The following STAG1 variants were observed in gnomAD, a reference collection of about 807,000 sequenced individuals.
The protein encoded by STAG1 is STAG1 cohesin complex component.
Under a neutral mutation model 170.9 loss-of-function variants are expected in STAG1, and 26 were observed. The observed-to-expected ratio is 0.15, with a 90% CI of 0.11 to 0.21. The LOEUF is 0.21. Ranked by LOEUF, STAG1 falls within the 10% of genes least tolerant of loss-of-function variation. STAG1 has a pLI of 1.00. For missense variants in STAG1, 964 were observed against 1,509.5 expected (o/e 0.64, Z 5.99); for synonymous variants, 514 against 497.7 (o/e 1.03, Z -0.44).
At chr3:136,446,579 T>C (rs1053330073) in intron 14 of STAG1, among the ~76,000 whole-genome samples, 5 of 151,806 alleles carry the variant, frequency 3.3e-5, no homozygotes, top group African/African-American at 9.7e-5. Context: ...CCTGCCACCA[T>C]GCCTGACTAA....
intron 1 of STAG1, among the ~76,000 whole-genome samples, chr3:136,657,189 C>CTTTTT (rs67826395): frequency 3.2e-3 from 298 of 92,260 alleles, no homozygotes; most frequent in Middle Eastern, 7.9e-3. Flanking sequence ...TTCTTTCTTT[C>CTTTTT]TTTTTTTTTT....
At chr3:136,591,555 T>TG in intron 4 of STAG1, 1 of 425,572 alleles carries the variant, frequency 2.3e-6, no homozygotes, top group Non-Finnish European at 4.6e-6. Flanking sequence ...CATCTCTATT[T>TG]GAAAAAAAAA....
intron 1 of STAG1, among the ~76,000 whole-genome samples, chr3:136,691,996 C>A (rs1408656876): frequency 6.6e-6 from 1 of 152,096 alleles, no homozygotes; most frequent in Non-Finnish European, 1.5e-5. Flanking sequence ...GTTTGAACAA[C>A]AAGGATAATG....
At chr3:136,720,348 T>C (rs192959289) in intron 1 of STAG1, among the ~76,000 whole-genome samples, 1 of 152,196 alleles carries the variant, frequency 6.6e-6, no homozygotes, top group African/African-American at 2.4e-5. Context: ...TGAAACCAAA[T>C]TAACTCAATG....
At chr3:136,471,986 T>G (rs2089639319) in intron 12 of STAG1, among the ~76,000 whole-genome samples, 1 of 152,138 alleles carries the variant, frequency 6.6e-6, no homozygotes, top group African/African-American at 2.4e-5. Context: ...AACAGGCATG[T>G]GCCACCATGC....
chr3:136,736,761 G>C, intron 1 of STAG1: 1 of 1,600,148 alleles, frequency 6.2e-7, no homozygotes, highest in East Asian at 2.2e-5. Flanking sequence ...TTCATTGTCT[G>C]TTTATATACA....
At position 136,547,930 on chromosome 3, in the gene STAG1, T is replaced by G. The variant is rs151180709; in HGVS notation, c.395-5735A>C. ...GTAAGGGTCCAAACCAATTTCATTC[T>G]TTTGCATGTAGATATCCAGTTTTCC... is the stretch of plus-strand genomic sequence containing the variant. On this transcript the variant is annotated intron_variant, in intron 5 of 33. Transcript: ENST00000383202. Among the ~76,000 whole-genome samples, 408 of 152,314 alleles carry G rather than the reference T, an allele frequency of 2.7e-3. 2 individuals carry two copies. The highest frequency in any genetic ancestry group is 5.8e-3 in the South Asian group (28 of 4,828).
intron 1 of STAG1, among the ~76,000 whole-genome samples, chr3:136,631,642 G>A (rs980452562): frequency 2.0e-5 from 3 of 152,204 alleles, no homozygotes; most frequent in Non-Finnish European, 2.9e-5. Context: ...GGTAGGCTGT[G>A]CACGTGTAGG....
chr3:136,691,964 T>C (rs1204607466), intron 1 of STAG1, among the ~76,000 whole-genome samples: 1 of 152,136 alleles, frequency 6.6e-6, no homozygotes, highest in Non-Finnish European at 1.5e-5. Context: ...CCTTCCCCAG[T>C]GAAGCAAATA....
chr3:136,497,649 G>C (rs1156828904), intron 9 of STAG1, among the ~76,000 whole-genome samples: 1 of 150,468 alleles, frequency 6.6e-6, no homozygotes, highest in Admixed American at 6.6e-5. Flanking sequence ...GACCACCCTG[G>C]CTAACACGGT....
chr3:136,660,719 A>C (rs988570698), intron 1 of STAG1, among the ~76,000 whole-genome samples: 3 of 152,114 alleles, frequency 2.0e-5, no homozygotes, highest in African/African-American at 7.2e-5. Context: ...CTGTAATCCC[A>C]GCACTTTGGG....
At chr3:136,355,960 G>A (rs1194147959) in intron 28 of STAG1, among the ~76,000 whole-genome samples, 2 of 151,922 alleles carry the variant, frequency 1.3e-5, no homozygotes, top group Non-Finnish European at 2.9e-5. Context: ...GTAAATGCCT[G>A]TATTGAAAAA....
At chr3:136,474,642 C>T (rs956648626) in intron 10 of STAG1, among the ~76,000 whole-genome samples, 2 of 152,140 alleles carry the variant, frequency 1.3e-5, no homozygotes, top group Admixed American at 6.5e-5. Flanking sequence ...TGATTCAAGC[C>T]TACAGTAGCA....
Position 136,664,902 on chromosome 3 carries a change from T to A in STAG1, c.-83-33921A>T, listed in dbSNP as rs183372158. 1.4e-3 allele frequency among the ~76,000 whole-genome samples: 208 copies of A among 152,314 alleles called. 1 individual carries two copies. The highest frequency in any genetic ancestry group is 4.4e-3 in the African/African-American group (182 of 41,568). ...TGAGGAAAAAGAAAAGATATTTTTT[T>A]AAAAACTAACAAAAGTATCTAAGAG... is the stretch of plus-strand genomic sequence containing the variant. On this transcript the variant is annotated intron_variant, in intron 1 of 33. Transcript: ENST00000383202.
At position 136,592,663 on chromosome 3, in the gene STAG1, C is replaced by T. The variant is rs549438736; in HGVS notation, c.297+11646G>A. 1.2e-4 allele frequency among the ~76,000 whole-genome samples: 18 copies of T among 152,300 alleles called. No individual in the cohort carries two copies. The South Asian group carries it at 2.7e-3, about 23-fold the overall frequency. The stretch of plus-strand genomic sequence containing the variant: ...CCAGCAACAATGGCCACCAGGACCA[C>T]TAAAATGACAACGCTAAGGTTAGTT... On this transcript the variant is annotated intron_variant, in intron 4 of 33. Transcript: ENST00000383202.
intron 8 of STAG1, 93 bp downstream of exon 8, chr3:136,502,535 T>G: frequency 7.4e-7 from 1 of 1,353,260 alleles, no homozygotes; most frequent in East Asian, 2.4e-5. Context: ...AATATACACA[T>G]AAACCTTTTT....
chr3:136,487,240 T>C (rs534305849), intron 9 of STAG1, among the ~76,000 whole-genome samples: 2 of 152,302 alleles, frequency 1.3e-5, no homozygotes, highest in African/African-American at 4.8e-5. Context: ...TTTGGTTTTC[T>C]GTTCCTGTGT....
rs533351010 is a variant in STAG1 at position 136,690,617 on chromosome 3, T to A, written c.-83-59636A>T. On this transcript the variant is annotated intron_variant, in intron 1 of 33. Coordinates refer to ENST00000383202, the MANE Select transcript of STAG1 (RefSeq NM_005862.3). ...CTGCTATCTGTGTGTATATCACATA[T>A]ACACACACAATCATTAAGGTGGAGG... Among the ~76,000 whole-genome samples, 27 of 152,268 alleles carry A rather than the reference T, an allele frequency of 1.8e-4. No individual in the cohort carries two copies. The East Asian group carries it at 5.0e-3, about 28-fold the overall frequency.
At chr3:136,476,375 G>C (rs1320965934) in intron 10 of STAG1, among the ~76,000 whole-genome samples, 3 of 152,218 alleles carry the variant, frequency 2.0e-5, no homozygotes, top group Non-Finnish European at 4.4e-5. Context: ...TCATAGTCAA[G>C]GGGGGTGGGA....
Sources: gnomAD v4.1 joint callset for allele counts (sites outside exome capture counted in the v4.1 genomes callset) on GRCh38, gnomAD v4.1.1 for gene constraint, MANE v1.5 for transcripts, NCBI Gene and HGNC (gene_info 2026-07-23, HGNC 2026-07-21) for gene names.